PDE11A: variants seen among roughly 807,000 people sequenced by gnomAD.
PDE11A encodes dual 3',5'-cyclic-AMP and -GMP phosphodiesterase 11A.
PDE11A carries 100 observed loss-of-function variants against 100.5 expected under a neutral mutation model. The ratio of observed to expected loss-of-function variants is 1.00; its 90% CI spans 0.85 to 1.18. The LOEUF (loss-of-function observed/expected upper bound fraction) is 1.18. Among genes scored for constraint, PDE11A ranks in the 50% most tolerant of loss-of-function variants. The probability of loss-of-function intolerance (pLI) is 0.00; values close to 1 mark genes in which losing one functional copy is unlikely to be tolerated. For synonymous variants in PDE11A, 381 were observed against 420.8 expected (o/e 0.91, Z 1.16); for missense variants, 1,141 against 1,152.6 (o/e 0.99, Z 0.15).
chr2:177,763,545 G>T (rs2082198173), intron 10 of PDE11A, among the ~76,000 whole-genome samples: 1 of 152,178 alleles, frequency 6.6e-6, no homozygotes, highest in African/African-American at 2.4e-5. Flanking sequence ...CTGTGGAGGA[G>T]CCTCTATGGG....
chr2:177,889,823 G>C (rs1338813635), intron 4 of PDE11A, among the ~76,000 whole-genome samples: 2 of 151,460 alleles, frequency 1.3e-5, no homozygotes, highest in South Asian at 2.1e-4. Context: ...TTTCCTGAGA[G>C]ATCTTATTAT....
rs139377122 is a variant in PDE11A, at chr2:177,962,933, A to C, written c.1071+51369T>G. Among the ~76,000 whole-genome samples the C allele has an allele frequency of 8.9e-3, 1,360 of 152,288 alleles. 20 individuals carry two copies. Among genetic ancestry groups the C allele is most frequent in the South Asian group, 0.031 (151 of 4,828 alleles). On this transcript the variant is annotated intron_variant, in intron 2 of 19. Transcript: ENST00000286063. ...GTATCCAAATGCATTTTTTTAAAAAATATTCTGAACTGTTATTTCCCGAAG... is the reference window on the plus strand; with the variant it reads ...GTATCCAAATGCATTTTTTTAAAAACTATTCTGAACTGTTATTTCCCGAAG...
intron 10 of PDE11A, among the ~76,000 whole-genome samples, chr2:177,745,104 T>C (rs955753614): frequency 4.6e-5 from 7 of 152,250 alleles, no homozygotes; most frequent in African/African-American, 1.7e-4. Context: ...TTAGGTCCAG[T>C]GTTTGTAATA....
In PDE11A at chr2:177,697,404, GAGGAC is replaced by G. The variant is rs769235876; in HGVS notation, c.2268_2272del (p.Ser757GlnfsTer4). On this transcript the variant is annotated frameshift_variant, in exon 15 of 20. Coordinates refer to ENST00000286063, the MANE Select transcript of PDE11A (RefSeq NM_016953.4). LOFTEE classifies it high-confidence loss of function. Reference sequence around the variant, plus strand: ...CTGCATAAGGTCACTATATTCCTTGGAGGACAGGTTAGCAAAGATATTGTGACCCT... The same window carrying G: ...CTGCATAAGGTCACTATATTCCTTGGAGGTTAGCAAAGATATTGTGACCCT... The G allele has an allele frequency of 2.6e-5, 42 of 1,591,772 alleles. No homozygotes were observed. The East Asian group carries it at 8.5e-4, about 32-fold the overall frequency.
In PDE11A at chr2:177,792,173, G is replaced by C. The variant is rs567469534; in HGVS notation, c.1738-22800C>G. Among the ~76,000 whole-genome samples, 14 of 152,100 alleles carry C rather than the reference G, an allele frequency of 9.2e-5. No homozygotes were observed. In the East Asian group the frequency reaches 2.5e-3, roughly 27 times the overall value. On this transcript the variant is annotated intron_variant, in intron 9 of 19. Transcript: ENST00000286063. Reference sequence around the variant, plus strand: ...GAGGCTGTTTTTCTTAATCATATAGGTTATTAAATGTATTAATGTTTCACA... The same window carrying C: ...GAGGCTGTTTTTCTTAATCATATAGCTTATTAAATGTATTAATGTTTCACA...
At chr2:177,768,094 A>G (rs1254432212) in intron 10 of PDE11A, among the ~76,000 whole-genome samples, 1 of 152,146 alleles carries the variant, frequency 6.6e-6, no homozygotes, top group Non-Finnish European at 1.5e-5. Context: ...CCTTGGATGG[A>G]GCCTGAGCAG....
chr2:178,013,990 G>A (rs764346070), intron 2 of PDE11A, among the ~76,000 whole-genome samples: 14 of 152,008 alleles, frequency 9.2e-5, no homozygotes, highest in Non-Finnish European at 2.1e-4. Context: ...CTTCCCTTAG[G>A]CCATGTGTGG....
chr2:177,753,046 A>G (rs931480704), intron 10 of PDE11A, among the ~76,000 whole-genome samples: 2 of 152,208 alleles, frequency 1.3e-5, no homozygotes, highest in African/African-American at 4.8e-5. Context: ...ATGGCAGTGA[A>G]GAACGTATAT....
intron 9 of PDE11A, among the ~76,000 whole-genome samples, chr2:177,777,991 T>C (rs2082401413): frequency 6.6e-6 from 1 of 152,224 alleles, no homozygotes; most frequent in Admixed American, 6.5e-5. Flanking sequence ...TAAATCACTA[T>C]TTGCAAAACC....
intron 2 of PDE11A, among the ~76,000 whole-genome samples, chr2:177,986,858 T>C (rs1344631879): frequency 6.7e-6 from 1 of 150,076 alleles, no homozygotes; most frequent in Non-Finnish European, 1.5e-5. Flanking sequence ...ATGGGGATAA[T>C]AATGGTATAT....
intron 9 of PDE11A, among the ~76,000 whole-genome samples, chr2:177,810,484 T>C (rs2082934282): frequency 6.6e-6 from 1 of 152,152 alleles, no homozygotes; most frequent in Admixed American, 6.6e-5. Context: ...CATTGTGCTT[T>C]GAATGATGGG....
chr2:177,953,478 A>G (rs996734023), intron 2 of PDE11A, among the ~76,000 whole-genome samples: 1 of 152,168 alleles, frequency 6.6e-6, no homozygotes, highest in South Asian at 2.1e-4. Context: ...AGAAAAGTTA[A>G]TATCATACAA....
At chr2:177,952,907 G>C (rs2085521517) in intron 2 of PDE11A, among the ~76,000 whole-genome samples, 1 of 152,106 alleles carries the variant, frequency 6.6e-6, no homozygotes, top group African/African-American at 2.4e-5. Flanking sequence ...CACAGAACCT[G>C]AGACATTTTA....
chr2:177,737,448 C>CACACACACACACACACACACAA (rs1280942455), intron 10 of PDE11A, among the ~76,000 whole-genome samples: 1 of 148,698 alleles, frequency 6.7e-6, no homozygotes, highest in Admixed American at 6.7e-5. Flanking sequence ...CACACACACA[C>CACACACACACACACACACACAA]AAATTAGCCA....
chr2:177,905,473 A>T (rs2084772194), intron 2 of PDE11A, among the ~76,000 whole-genome samples: 1 of 152,244 alleles, frequency 6.6e-6, no homozygotes, highest in Non-Finnish European at 1.5e-5. Context: ...AACTGTGTCT[A>T]AAGCAGCTTG....
At chr2:177,842,233 G>A (rs902835254) in intron 5 of PDE11A, among the ~76,000 whole-genome samples, 3 of 152,188 alleles carry the variant, frequency 2.0e-5, no homozygotes, top group African/African-American at 7.2e-5. Flanking sequence ...TGCAGCAGGA[G>A]CTGGGGAGAG....
At chr2:177,923,033 C>T (rs980818084) in intron 2 of PDE11A, among the ~76,000 whole-genome samples, 1 of 127,036 alleles carries the variant, frequency 7.9e-6, no homozygotes, top group Non-Finnish European at 1.8e-5. Context: ...CTACCATTGT[C>T]TCTCTGCATT....
chr2:177,688,384 AT>A (rs2080988887), intron 15 of PDE11A: 1 of 152,262 alleles, frequency 6.6e-6, no homozygotes, highest in African/African-American at 2.4e-5. Flanking sequence ...AAGTTTGCCT[AT>A]ACAGCTGTTC....
At chr2:177,637,995 A>ATTTTTTTT (rs1303030999) in intron 19 of PDE11A, among the ~76,000 whole-genome samples, 1 of 54,138 alleles carries the variant, frequency 1.8e-5, no homozygotes, top group African/African-American at 6.0e-5. Context: ...ATATATATAT[A>ATTTTTTTT]TATTTTTTTT....
Sources: allele counts gnomAD v4.1 joint callset (sites outside exome capture counted in the v4.1 genomes callset), GRCh38; gene constraint gnomAD v4.1.1; transcripts MANE v1.5; gene names NCBI Gene and HGNC (gene_info 2026-07-23, HGNC 2026-07-21).